Variants in GALNT13 observed in about 807,000 individuals in gnomAD.
GALNT13 encodes UDP-GalNAc:polypeptide N-acetylgalactosaminyltransferase 13.
In GALNT13, 28 loss-of-function variants were observed where a neutral mutation model predicts 64.2. The ratio of observed to expected loss-of-function variants is 0.44; its 90% CI spans 0.32 to 0.60. The LOEUF is 0.60. Ranked by LOEUF, GALNT13 falls within the 20% of genes least tolerant of loss-of-function variation. The pLI is 0.05. For missense variants in GALNT13, 577 were observed against 669.8 expected, an observed-to-expected ratio of 0.86 and a Z score of 1.53; for synonymous variants, 214 against 224.6, an observed-to-expected ratio of 0.95 and a Z score of 0.42.
At chr2:153,957,971 T>C (rs1203967472) in intron 3 of GALNT13, among the ~76,000 whole-genome samples, 1 of 152,218 alleles carries the variant, frequency 6.6e-6, no homozygotes, top group Non-Finnish European at 1.5e-5. Flanking sequence ...ATGTTTTTCC[T>C]TGTGTAAAGC....
chr2:153,126,306 A>G, the GALNT13 span, among the ~76,000 whole-genome samples: 429 of 10,674 alleles, frequency 0.04, 7 homozygotes, highest in African/African-American at 0.12. Flanking sequence ...GTATATATAT[A>G]TATATATATA....
At chr2:153,301,314 A>AAAAAAAAAAAAAAAG in the GALNT13 span, among the ~76,000 whole-genome samples, 4 of 141,612 alleles carry the variant, frequency 2.8e-5, no homozygotes, top group Non-Finnish European at 6.3e-5. Flanking sequence ...CTTCTCAAAA[A>AAAAAAAAAAAAAAAG]AAAAGAAAAA....
At chr2:153,740,492 T>C in the GALNT13 span, among the ~76,000 whole-genome samples, 1 of 152,130 alleles carries the variant, frequency 6.6e-6, no homozygotes, top group African/African-American at 2.4e-5. Context: ...TATTACTAAA[T>C]GGCTGCTTTA....
the GALNT13 span, among the ~76,000 whole-genome samples, chr2:153,262,149 C>T: frequency 6.6e-6 from 1 of 152,130 alleles, no homozygotes; most frequent in South Asian, 2.1e-4. Context: ...CTTATAGCCA[C>T]CACAGTTGAT....
rs1475392581 is a variant in GALNT13 at position 153,935,174 on chromosome 2, A to G, written c.-104-9220A>G. ...TGTAAATAAGTCTAAGAGGATATCA[A>G]TAGGTTTTATTCTATAAAGCCAAAC... On this transcript the variant is annotated intron_variant, in intron 2 of 12. Coordinates refer to ENST00000392825, the MANE Select transcript of GALNT13 (RefSeq NM_052917.4). Among the ~76,000 whole-genome samples the G allele has an allele frequency of 2.0e-5, 3 of 152,238 alleles. No individual in the cohort carries two copies. In the East Asian group the frequency reaches 5.8e-4, roughly 29 times the overall value.
intron 9 of GALNT13, among the ~76,000 whole-genome samples, chr2:154,347,880 C>T (rs775470450): frequency 6.6e-6 from 1 of 152,148 alleles, no homozygotes; most frequent in Non-Finnish European, 1.5e-5. Flanking sequence ...ATCTGGCTTC[C>T]TTATCCAGGT....
chr2:153,352,102 C>T, the GALNT13 span, among the ~76,000 whole-genome samples: 1 of 152,102 alleles, frequency 6.6e-6, no homozygotes, highest in African/African-American at 2.4e-5. Context: ...CCTGTTGTTC[C>T]ACATCCTCAG....
the GALNT13 span, among the ~76,000 whole-genome samples, chr2:153,320,063 T>G: frequency 6.6e-6 from 1 of 152,288 alleles, no homozygotes; most frequent in South Asian, 2.1e-4. Context: ...TATAACTGGG[T>G]TGCACTCTTC....
the GALNT13 span, among the ~76,000 whole-genome samples, chr2:153,400,428 T>C: frequency 2.0e-5 from 3 of 152,240 alleles, no homozygotes; most frequent in Non-Finnish European, 2.9e-5. Context: ...ATCAGAATGA[T>C]GCTAGCCTCA....
the GALNT13 span, among the ~76,000 whole-genome samples, chr2:153,291,758 A>AC: frequency 6.6e-6 from 1 of 151,864 alleles, no homozygotes; most frequent in Non-Finnish European, 1.5e-5. Flanking sequence ...AAAAAAAAAA[A>AC]AAACCTCTTG....
intron 9 of GALNT13, among the ~76,000 whole-genome samples, chr2:154,335,168 A>G (rs918592188): frequency 6.6e-6 from 1 of 151,626 alleles, no homozygotes; most frequent in Non-Finnish European, 1.5e-5. Flanking sequence ...ACTTGTCTTT[A>G]TTTACTTCTA....
chr2:153,869,551 C>G (rs1199855313), upstream of GALNT13, among the ~76,000 whole-genome samples: 2 of 152,042 alleles, frequency 1.3e-5, no homozygotes, highest in Non-Finnish European at 2.9e-5. Flanking sequence ...ATTTTTTAAT[C>G]TGGAATCCTA....
intron 3 of GALNT13, among the ~76,000 whole-genome samples, chr2:154,008,276 G>C (rs12613273): frequency 2.0e-5 from 3 of 151,948 alleles, no homozygotes; most frequent in Admixed American, 1.3e-4. Context: ...TTATTATTTC[G>C]ATTCATATCT....
the GALNT13 span, among the ~76,000 whole-genome samples, chr2:153,072,276 G>A: frequency 6.6e-6 from 1 of 152,122 alleles, no homozygotes; most frequent in Non-Finnish European, 1.5e-5. Flanking sequence ...GTGTGGGACC[G>A]GAGCAGGATT....
chr2:153,454,466 A>G, the GALNT13 span, among the ~76,000 whole-genome samples: 1 of 152,178 alleles, frequency 6.6e-6, no homozygotes, highest in African/African-American at 2.4e-5. Context: ...TACTTACTAG[A>G]AAGCTCTTCT....
chr2:154,124,844 G>A (rs1470560687), intron 3 of GALNT13, among the ~76,000 whole-genome samples: 1 of 152,088 alleles, frequency 6.6e-6, no homozygotes, highest in Non-Finnish European at 1.5e-5. Flanking sequence ...GTTTTGATTA[G>A]ATGAGATTCT....
intron 10 of GALNT13, among the ~76,000 whole-genome samples, chr2:154,398,530 C>T (rs900433661): frequency 6.6e-6 from 1 of 152,134 alleles, no homozygotes; most frequent in Non-Finnish European, 1.5e-5. Flanking sequence ...GATCAGGTGA[C>T]CATATTTTAA....
the GALNT13 span, among the ~76,000 whole-genome samples, chr2:153,286,132 A>G: frequency 6.6e-6 from 1 of 152,176 alleles, no homozygotes; most frequent in Middle Eastern, 3.2e-3. Flanking sequence ...TGTAAAAGAA[A>G]TCTGCCTTGA....
chr2:154,419,890 C>T (rs938423563), intron 11 of GALNT13, among the ~76,000 whole-genome samples: 1 of 152,098 alleles, frequency 6.6e-6, no homozygotes. Context: ...AAATATTATT[C>T]TGTTGATTAA....
Sources: gnomAD v4.1 joint callset for allele counts (sites outside exome capture counted in the v4.1 genomes callset) on GRCh38, gnomAD v4.1.1 for gene constraint, MANE v1.5 for transcripts, NCBI Gene and HGNC (gene_info 2026-07-23, HGNC 2026-07-21) for gene names.